The following ABRAXAS1 variants were observed in gnomAD, a reference collection of about 807,000 sequenced individuals.
ABRAXAS1 encodes the protein BRCA1-A complex subunit Abraxas 1.
A neutral mutation model predicts 38.4 loss-of-function variants in ABRAXAS1; 26 were observed. The observed-to-expected ratio is 0.68, with a 90% CI of 0.50 to 0.94. ABRAXAS1 has a LOEUF of 0.94. Among genes scored for constraint, ABRAXAS1 ranks in the 40% least tolerant of loss-of-function variants. The pLI, the probability that ABRAXAS1 is intolerant of heterozygous loss-of-function variation, is 0.00. For synonymous variants in ABRAXAS1, 144 were observed against 165.5 expected, an observed-to-expected ratio of 0.87 and a Z score of 1.00; for missense variants, 438 against 481.9, an observed-to-expected ratio of 0.91 and a Z score of 0.85.
chr4:83,464,140 T>C (rs1436259096), intron 7 of ABRAXAS1, among the ~76,000 whole-genome samples: 7 of 151,996 alleles, frequency 4.6e-5, no homozygotes, highest in East Asian at 1.9e-4. Flanking sequence ...TGAGCCAAAA[T>C]TGCACCACTG....
At chr4:83,471,440 C>T (rs565590049) in intron 4 of ABRAXAS1, among the ~76,000 whole-genome samples, 1 of 151,852 alleles carries the variant, frequency 6.6e-6, no homozygotes, top group Admixed American at 6.6e-5. Flanking sequence ...GAACTCCTGA[C>T]CTCGTGATCC....
chr4:83,474,749 C>G (rs1324945604), intron 3 of ABRAXAS1, among the ~76,000 whole-genome samples: 1 of 151,020 alleles, frequency 6.6e-6, no homozygotes, highest in African/African-American at 2.4e-5. Context: ...AGTCTCAGAT[C>G]GAGGGCCACA....
intron 2 of ABRAXAS1, chr4:83,479,573 T>C (rs1014885943): frequency 6.6e-6 from 1 of 152,178 alleles, no homozygotes; most frequent in Non-Finnish European, 1.5e-5. Flanking sequence ...TAAATGTTCA[T>C]GGTAATACTG....
At position 83,461,268 on chromosome 4, in the gene ABRAXAS1, C is replaced by A; in HGVS notation, c.*1201G>T. The stretch of plus-strand genomic sequence containing the variant: ...TGTATGATGCCAATACTGACTCAAA[C>A]CAACCTTTGGATAGAAAAGTGTTTG... On this transcript the variant is annotated 3_prime_UTR_variant, in exon 9 of 9. Coordinates refer to ENST00000321945, the MANE Select transcript of ABRAXAS1 (RefSeq NM_139076.3). 1 of 1,329,612 alleles carries A rather than the reference C, an allele frequency of 7.5e-7. No homozygotes were observed. The highest frequency in any genetic ancestry group is 1.1e-6 in the Non-Finnish European group (1 of 926,238). The allele number at this position is 1,329,612 out of a possible 1,614,324, so 82.4% of individuals were successfully genotyped here.
At chr4:83,466,838 C>T (rs1722380538) in intron 7 of ABRAXAS1, 1 of 152,564 alleles carries the variant, frequency 6.6e-6, no homozygotes, top group African/African-American at 2.4e-5. Context: ...CGCCTGGCTC[C>T]ACTAGCTTTC....
chr4:83,475,655 G>C (rs1254989238), intron 3 of ABRAXAS1, among the ~76,000 whole-genome samples: 1 of 152,084 alleles, frequency 6.6e-6, no homozygotes, highest in Non-Finnish European at 1.5e-5. Flanking sequence ...TGTTGCCCAG[G>C]CTGTTTGTGC....
At chr4:83,465,173 G>GT (rs1227724011) in intron 7 of ABRAXAS1, among the ~76,000 whole-genome samples, 1 of 151,670 alleles carries the variant, frequency 6.6e-6, no homozygotes, top group East Asian at 1.9e-4. Flanking sequence ...GTGGGTGCGT[G>GT]TAATCTCAGC....
At chr4:83,482,365 T>G in intron 1 of ABRAXAS1, 121 bp from the exon 2 acceptor site, 2 of 535,600 alleles carry the variant, frequency 3.7e-6, no homozygotes, top group South Asian at 2.8e-5. Context: ...GGGGCACATA[T>G]GAAAGATCTG....
At position 83,461,398 on chromosome 4, in the gene ABRAXAS1, A is replaced by ATGTGGTTT. The variant is rs1722108737; in HGVS notation, c.*1070_*1071insAAACCACA. 2.2e-5 allele frequency: 12 copies of ATGTGGTTT among 544,712 alleles called. No homozygotes were observed. In the Admixed American group the frequency reaches 3.7e-4, roughly 17 times the overall value. 33.7% of individuals were successfully genotyped at this position (544,712 alleles called of 1,614,324 possible). ...ATCACATTTTATCTATGTTGAATAA[A>ATGTGGTTT]AGTGGTTCTGTGTGATTGTCATTTA... On this transcript the variant is annotated 3_prime_UTR_variant, in exon 9 of 9. Transcript: ENST00000321945.
rs895516689 is a variant in ABRAXAS1 at position 83,485,045 on chromosome 4, G to A, written c.28C>T (p.Leu10Phe). The change falls in exon 1 of 9, where the codon CTC becomes TTC. Residue 10 changes from leucine (L) to phenylalanine (F), a missense_variant. Leu to Phe is a conservative substitution (Grantham distance 22). Transcript: ENST00000321945. MEGESTSAV[L>F]SGFVLGALAF... Reference sequence around the variant, plus strand: ...AGTGCGCCGAGCACAAAGCCCGAGAGCACCGCCGACGTACTCTCCCCCTCC... The same window carrying A: ...AGTGCGCCGAGCACAAAGCCCGAGAACACCGCCGACGTACTCTCCCCCTCC... The A allele has an allele frequency of 1.3e-6, 2 of 1,595,506 alleles. No individual in the cohort carries two copies. The highest frequency in any genetic ancestry group is 1.7e-5 in the Admixed American group (1 of 58,676).
At chr4:83,474,036 T>C (rs979602296) in intron 3 of ABRAXAS1, among the ~76,000 whole-genome samples, 4 of 150,908 alleles carry the variant, frequency 2.7e-5, no homozygotes, top group African/African-American at 4.9e-5. Flanking sequence ...CAACTACTCA[T>C]GAGGCTGAGG....
chr4:83,476,920 G>A (rs1560577756), intron 2 of ABRAXAS1, among the ~76,000 whole-genome samples: 1 of 152,156 alleles, frequency 6.6e-6, no homozygotes, highest in Non-Finnish European at 1.5e-5. Flanking sequence ...AAAACCCAGA[G>A]CCTCGCCTGG....
chr4:83,467,344 A>G (rs1051531882), intron 7 of ABRAXAS1, 110 bp downstream of exon 7: 9 of 700,512 alleles, frequency 1.3e-5, no homozygotes, highest in East Asian at 2.6e-5. Flanking sequence ...TAAGCAACTC[A>G]TAACTGTATA....
Position 83,462,434 on chromosome 4 carries a change from C to T in ABRAXAS1, c.*35G>A, listed in dbSNP as rs753734498. ...AGAAATGTTTGGCTTTACCCATCAG[C>T]CAAATAAAAAAATCTCCTTGTAAGG... On this transcript the variant is annotated 3_prime_UTR_variant, in exon 9 of 9. Coordinates refer to ENST00000321945, the MANE Select transcript of ABRAXAS1 (RefSeq NM_139076.3). 27 of 1,549,578 alleles carry T rather than the reference C, an allele frequency of 1.7e-5. No homozygotes were observed. The highest frequency in any genetic ancestry group is 3.5e-6 in the Non-Finnish European group (4 of 1,147,270).
At chr4:83,483,828 G>T (rs906087229) in intron 1 of ABRAXAS1, among the ~76,000 whole-genome samples, 1 of 152,000 alleles carries the variant, frequency 6.6e-6, no homozygotes, top group Non-Finnish European at 1.5e-5. Flanking sequence ...CTTCCCAAGG[G>T]CTAATCGTTT....
chr4:83,464,311 T>C lies in ABRAXAS1; in HGVS notation c.682-703A>G, dbSNP rs1458266187. Among the ~76,000 whole-genome samples, 6 of 152,206 alleles carry C rather than the reference T, an allele frequency of 3.9e-5. No individual in the cohort carries two copies. The South Asian group carries it at 1.0e-3, about 26-fold the overall frequency. ...TGACTATCTTACTATTACGAAAGGA[T>C]ACTATTGAAGATTTTTTCCTGTAAG... On this transcript the variant is annotated intron_variant, in intron 7 of 8. Transcript: ENST00000321945.
chr4:83,473,503 G>C (rs1186669637), intron 3 of ABRAXAS1, among the ~76,000 whole-genome samples: 2 of 152,054 alleles, frequency 1.3e-5, no homozygotes, highest in Non-Finnish European at 2.9e-5. Flanking sequence ...GAAGATGAAG[G>C]GGGTGGCATT....
Position 83,467,545 on chromosome 4 carries a change from A to G in ABRAXAS1, c.597-7T>C. ...TTCTTCAAAAAATTTAGAGCTGTAA[A>G]AAATTACCATTTCCTCAGGCAAATA... On this transcript the variant is annotated splice_region_variant and splice_polypyrimidine_tract_variant and intron_variant, in intron 6 of 8. Coordinates refer to ENST00000321945, the MANE Select transcript of ABRAXAS1 (RefSeq NM_139076.3). 7.0e-7 allele frequency: 1 copy of G among 1,423,022 alleles called. No individual in the cohort carries two copies. Among genetic ancestry groups the G allele is most frequent in the Middle Eastern group, 1.8e-4 (1 of 5,684 alleles). 88.1% of individuals were successfully genotyped at this position (1,423,022 alleles called of 1,614,324 possible). A position where few individuals can be genotyped will look rare whatever the true frequency, so the allele number is the denominator to read the frequency against.
Position 83,459,951 on chromosome 4 carries a change from T to G in ABRAXAS1, c.*2518A>C. 8.6e-6 allele frequency: 5 copies of G among 578,640 alleles called. No homozygotes were observed. The highest frequency in any genetic ancestry group is 1.5e-5 in the Non-Finnish European group (5 of 338,352). 35.8% of individuals were successfully genotyped at this position (578,640 alleles called of 1,614,324 possible). A position where few individuals can be genotyped will look rare whatever the true frequency, so the allele number is the denominator to read the frequency against. ...TAGAGCTAGTTACTATGAAAAAGTC[T>G]CTTAGGCCAAGAGGATTATTATTTT... On this transcript the variant is annotated 3_prime_UTR_variant, in exon 9 of 9. Transcript: ENST00000321945.
Sources: gnomAD v4.1 joint callset for allele counts (sites outside exome capture counted in the v4.1 genomes callset) on GRCh38, gnomAD v4.1.1 for gene constraint, MANE v1.5 for transcripts, NCBI Gene and HGNC (gene_info 2026-07-23, HGNC 2026-07-21) for gene names.